The following TNFRSF11A variants were observed in gnomAD, a reference collection of about 807,000 sequenced individuals.
TNFRSF11A encodes the protein TNF receptor superfamily member 11a.
A neutral mutation model predicts 55.7 loss-of-function variants in TNFRSF11A; 32 were observed. The observed-to-expected ratio is 0.57, with a 90% confidence interval of 0.43 to 0.77. The LOEUF is 0.77. Among genes scored for constraint, TNFRSF11A ranks in the 30% least tolerant of loss-of-function variants. The pLI is 0.00. For missense variants in TNFRSF11A, 753 were observed against 809.8 expected, an observed-to-expected ratio of 0.93 and a Z score of 0.85; for synonymous variants, 311 against 331.0, an observed-to-expected ratio of 0.94 and a Z score of 0.65.
At position 62,325,498 on chromosome 18, in the gene TNFRSF11A, C is replaced by A; in HGVS notation, c.75+71C>A. Reference sequence around the variant, plus strand: ...TCGGGAGCCCCGGGAAGGGCCGGGGCCGGCGGCATCCTGGCTCCTCCGCCT... The same window carrying A: ...TCGGGAGCCCCGGGAAGGGCCGGGGACGGCGGCATCCTGGCTCCTCCGCCT... On this transcript the variant is annotated intron_variant, in intron 1 of 9. Transcript: ENST00000586569. This position sits in a 1 kb window ranked among gnomAD's most constrained non-coding sequence, Gnocchi z 4.7. 1 of 1,039,382 alleles carries A rather than the reference C, an allele frequency of 9.6e-7. No individual in the cohort carries two copies. The allele number at this position is 1,039,382 out of a possible 1,614,324, so 64.4% of individuals were successfully genotyped here. A position where few individuals can be genotyped will look rare whatever the true frequency, so the allele number is the denominator to read the frequency against.
chr18:62,358,612 T>C (rs1351452385), intron 5 of TNFRSF11A, among the ~76,000 whole-genome samples: 2 of 152,238 alleles, frequency 1.3e-5, no homozygotes, highest in African/African-American at 4.8e-5. Context: ...CCTTGTTTGG[T>C]TGAAAATGAT....
At chr18:62,379,182 T>C (rs1911095438) in intron 9 of TNFRSF11A, among the ~76,000 whole-genome samples, 1 of 152,218 alleles carries the variant, frequency 6.6e-6, no homozygotes, top group Admixed American at 6.5e-5. Flanking sequence ...CTTAGTCAAT[T>C]CTGTATGGAG....
Position 62,376,399 on chromosome 18 carries a change from C to G in TNFRSF11A, c.1567+6915C>G, listed in dbSNP as rs541780130. 1.3e-4 allele frequency among the ~76,000 whole-genome samples: 19 copies of G among 150,316 alleles called. No individual in the cohort carries two copies. The South Asian group carries it at 4.0e-3, about 32-fold the overall frequency. On this transcript the variant is annotated intron_variant, in intron 9 of 9. Transcript: ENST00000586569. ...AGGAGGCAAGAGGGGAGGGACAAGGCCTGGTTTGGCTTAATGGACTAACAA... is the reference window on the plus strand; with the variant it reads ...AGGAGGCAAGAGGGGAGGGACAAGGGCTGGTTTGGCTTAATGGACTAACAA...
chr18:62,374,439 A>G (rs1194553940), intron 9 of TNFRSF11A, among the ~76,000 whole-genome samples: 3 of 152,252 alleles, frequency 2.0e-5, no homozygotes, highest in Non-Finnish European at 4.4e-5. Context: ...TAAATATAAA[A>G]TAAGTTTTTT....
Position 62,325,757 on chromosome 18 carries a change from C to T in TNFRSF11A, c.75+330C>T, listed in dbSNP as rs116487658. Among the ~76,000 whole-genome samples the T allele has an allele frequency of 0.06, 9,088 of 152,242 alleles. 888 individuals carry two copies. Among genetic ancestry groups the T allele is most frequent in the African/African-American group, 0.21 (8,554 of 41,502 alleles). ...TTCTTGAGCACCTACTAAGCGCTTG[C>T]GCCGGGCGGTGCCGCGGGAGACAGC... On this transcript the variant is annotated intron_variant, in intron 1 of 9. Coordinates refer to ENST00000586569, the MANE Select transcript of TNFRSF11A (RefSeq NM_003839.4). This position sits in a 1 kb window ranked among gnomAD's most constrained non-coding sequence, Gnocchi z 4.7.
chr18:62,329,311 G>T (rs541921117), intron 1 of TNFRSF11A, among the ~76,000 whole-genome samples: 2 of 152,308 alleles, frequency 1.3e-5, no homozygotes, highest in Non-Finnish European at 2.9e-5. Flanking sequence ...CCCATGGCCT[G>T]ACTGCTGTCT....
rs765932293 is a variant in TNFRSF11A, at chr18:62,369,099, G to C, written c.1182G>C (p.Gln394His). Residue 394 changes from glutamine to histidine, a missense_variant, in exon 9 of 10, where the codon CAG (glutamine) becomes CAC (histidine). Gln to His is a conservative substitution (Grantham distance 24, BLOSUM62 0). This residue lies in a region of TNFRSF11A where 567 missense variants were observed against 596.7 expected (regional missense o/e 0.95). Coordinates refer to ENST00000586569, the MANE Select transcript of TNFRSF11A (RefSeq NM_003839.4). ...TAAGCCAGTGCTTCACGGGGACACA[G>C]AGCACAGTGGGTTCAGAAAGCTGCA... ...DSLSQCFTGT[Q>H]STVGSESCNC... 4.3e-5 allele frequency: 70 copies of C among 1,613,958 alleles called. No homozygotes were observed. Among genetic ancestry groups the C allele is most frequent in the Non-Finnish European group, 5.8e-5 (69 of 1,180,050 alleles).
chr18:62,371,858 A>G (rs553342424), intron 9 of TNFRSF11A, among the ~76,000 whole-genome samples: 1 of 152,360 alleles, frequency 6.6e-6, no homozygotes, highest in Non-Finnish European at 1.5e-5. Context: ...GCAGTCCTAC[A>G]GAGGCCTTAT....
intron 5 of TNFRSF11A, among the ~76,000 whole-genome samples, chr18:62,359,692 C>T (rs1297085458): frequency 2.0e-5 from 3 of 152,202 alleles, no homozygotes; most frequent in Non-Finnish European, 1.5e-5. Context: ...AATATTCTTT[C>T]CTGAAGACTC....
intron 3 of TNFRSF11A, among the ~76,000 whole-genome samples, chr18:62,351,791 A>G (rs1480272733): frequency 6.6e-6 from 1 of 152,048 alleles, no homozygotes; most frequent in Admixed American, 6.6e-5. Flanking sequence ...TATTGCAGTT[A>G]TTGTTGCTGT....
chr18:62,384,678 A>ACCTTCCTC, intron 9 of TNFRSF11A, 73 bp from the exon 10 acceptor site: 2 of 1,559,470 alleles, frequency 1.3e-6, no homozygotes, highest in South Asian at 2.4e-5. Flanking sequence ...ACTCCCCGGA[A>ACCTTCCTC]CCTTCCTCTC....
At chr18:62,349,168 T>C (rs1476849173) in intron 2 of TNFRSF11A, among the ~76,000 whole-genome samples, 1 of 66,820 alleles carries the variant, frequency 1.5e-5, no homozygotes, top group Non-Finnish European at 4.3e-5. Context: ...TTCTATTCCT[T>C]TTTTTTTTTT....
At chr18:62,382,220 C>T (rs1192293655) in intron 9 of TNFRSF11A, among the ~76,000 whole-genome samples, 2 of 147,952 alleles carry the variant, frequency 1.4e-5, no homozygotes, top group Non-Finnish European at 3.0e-5. Flanking sequence ...AAGCACTTCT[C>T]CTACCTCAGC....
chr18:62,337,077 A>G (rs2046245607), intron 1 of TNFRSF11A, among the ~76,000 whole-genome samples: 1 of 152,194 alleles, frequency 6.6e-6, no homozygotes, highest in Non-Finnish European at 1.5e-5. Context: ...GTATAAAGTC[A>G]ATTGTGCAGT....
chr18:62,366,943 G>A (rs756978617), intron 8 of TNFRSF11A, among the ~76,000 whole-genome samples, 183 bp downstream of exon 8: 5 of 151,116 alleles, frequency 3.3e-5, no homozygotes, highest in Non-Finnish European at 7.4e-5. Context: ...CCACCTCCCA[G>A]GGTCAAGTGA....
Position 62,390,967 on chromosome 18 carries a change from A to G in TNFRSF11A, c.*5933A>G, listed in dbSNP as rs1354446711. On this transcript the variant is annotated 3_prime_UTR_variant, in exon 10 of 10. Transcript: ENST00000586569. ...TAACCACCACCATCACAATCAAGAT[A>G]TAGAATATTTCAACATCCCAAAGTT... 1 of 152,270 alleles carries G rather than the reference A, an allele frequency of 6.6e-6. No individual in the cohort carries two copies. Among genetic ancestry groups the G allele is most frequent in the Non-Finnish European group, 1.5e-5 (1 of 68,050 alleles). 9.4% of individuals were successfully genotyped at this position (152,270 alleles called of 1,614,324 possible).
intron 2 of TNFRSF11A, 91 bp from the exon 3 acceptor site, chr18:62,349,721 G>A: frequency 1.3e-6 from 2 of 1,481,596 alleles, no homozygotes; most frequent in Non-Finnish European, 1.9e-6. Flanking sequence ...TGGTCCCATA[G>A]ATGGGTGCAA....
At chr18:62,349,630 G>A (rs568231911) in intron 2 of TNFRSF11A, among the ~76,000 whole-genome samples, 182 bp from the exon 3 acceptor site, 2 of 152,312 alleles carry the variant, frequency 1.3e-5, no homozygotes, top group South Asian at 2.1e-4. Context: ...CCAGGGTGCT[G>A]CAGTCACTGC....
intron 7 of TNFRSF11A, among the ~76,000 whole-genome samples, chr18:62,366,025 C>T (rs1910062346): frequency 6.6e-6 from 1 of 152,138 alleles, no homozygotes; most frequent in African/African-American, 2.4e-5. Context: ...ACCATGTTGG[C>T]CAGGCTAGTC....
Sources: allele counts gnomAD v4.1 joint callset (sites outside exome capture counted in the v4.1 genomes callset), GRCh38; gene constraint gnomAD v4.1.1; regional missense constraint gnomAD v4.1.1; non-coding constraint Gnocchi (gnomAD v3.1); transcripts MANE v1.5; gene names NCBI Gene and HGNC (gene_info 2026-07-23, HGNC 2026-07-21).